NEMP2: variants seen among roughly 807,000 people sequenced by gnomAD.
NEMP2 encodes nuclear envelope integral membrane protein 2, also known as UPF0571 transmembrane protein.
A neutral mutation model predicts 54.2 loss-of-function variants in NEMP2; 53 were observed. The ratio of observed to expected loss-of-function variants is 0.98; its 90% CI spans 0.78 to 1.23. NEMP2 has a LOEUF of 1.23. Ranked by LOEUF, NEMP2 falls within the 50% of genes most tolerant of loss-of-function variation. NEMP2 has a pLI of 0.00. For synonymous variants in NEMP2, 197 were observed against 190.3 expected, an observed-to-expected ratio of 1.04 and a Z score of -0.29; for missense variants, 455 against 511.3, an observed-to-expected ratio of 0.89 and a Z score of 1.06.
chr2:190,579,052 A>G, the NEMP2 span, among the ~76,000 whole-genome samples: 1 of 152,152 alleles, frequency 6.6e-6, no homozygotes, highest in Non-Finnish European at 1.5e-5. Flanking sequence ...AGTGTTGGTC[A>G]CAGGGCAGCA....
chr2:190,425,612 A>G, the NEMP2 span, among the ~76,000 whole-genome samples: 2 of 152,166 alleles, frequency 1.3e-5, no homozygotes, highest in Non-Finnish European at 2.9e-5. The surrounding 1 kb of genome is among the most constrained non-coding windows in gnomAD (Gnocchi z 4.3). Flanking sequence ...AAGCTGAAGT[A>G]ATTTTTCTTT....
chr2:190,532,357 T>C (rs761584313), intron 1 of NEMP2, among the ~76,000 whole-genome samples: 2 of 152,222 alleles, frequency 1.3e-5, no homozygotes, highest in Non-Finnish European at 2.9e-5. Flanking sequence ...CTCAGGTCTT[T>C]AACTTCAAGT....
chr2:190,517,499 A>C (rs1252197307), intron 5 of NEMP2, 21 bp downstream of exon 5: 1 of 1,502,686 alleles, frequency 6.7e-7, no homozygotes, highest in African/African-American at 1.4e-5. Flanking sequence ...TTTTTTACTC[A>C]TTTTCACATA....
chr2:190,574,093 G>A, the NEMP2 span, among the ~76,000 whole-genome samples: 21 of 152,240 alleles, frequency 1.4e-4, no homozygotes, highest in Non-Finnish European at 2.5e-4. Flanking sequence ...GGAAGTTTAT[G>A]TCATTGTTTT....
At chr2:190,446,779 C>T in the NEMP2 span, among the ~76,000 whole-genome samples, 2 of 152,276 alleles carry the variant, frequency 1.3e-5, no homozygotes, top group South Asian at 4.2e-4. Flanking sequence ...GATGAATACT[C>T]GGTTCTGGTC....
chr2:190,628,683 T>C, the NEMP2 span: 2 of 152,212 alleles, frequency 1.3e-5, no homozygotes, highest in African/African-American at 2.4e-5. The surrounding 1 kb of genome is among the most constrained non-coding windows in gnomAD (Gnocchi z 4.1). Context: ...TGGGGCTGTG[T>C]ACCTTGAGGT....
chr2:190,640,610 T>G, the NEMP2 span, among the ~76,000 whole-genome samples: 1 of 152,134 alleles, frequency 6.6e-6, no homozygotes, highest in African/African-American at 2.4e-5. Context: ...AGATGTAACT[T>G]TGCAGTTATA....
chr2:190,579,596 A>ACCAAGGAACAAAATGT, the NEMP2 span, among the ~76,000 whole-genome samples: 2 of 152,234 alleles, frequency 1.3e-5, no homozygotes. Flanking sequence ...ACACAAAATG[A>ACCAAGGAACAAAATGT]CCAAGGAACA....
At chr2:190,436,749 G>T in the NEMP2 span, 1 of 1,614,160 alleles carries the variant, frequency 6.2e-7, no homozygotes, top group African/African-American at 1.3e-5. The surrounding 1 kb of genome is among the most constrained non-coding windows in gnomAD (Gnocchi z 5.3). Context: ...TGATGGACTT[G>T]ACTTTGAACT....
the NEMP2 span, chr2:190,626,217 A>G: frequency 6.6e-6 from 1 of 152,158 alleles, no homozygotes; most frequent in Non-Finnish European, 1.5e-5. The surrounding 1 kb of genome is among the most constrained non-coding windows in gnomAD (Gnocchi z 4.5). Flanking sequence ...ACACCTCCCA[A>G]TGCAGCACAT....
the NEMP2 span, among the ~76,000 whole-genome samples, chr2:190,616,352 T>A: frequency 1.5e-4 from 23 of 152,214 alleles, no homozygotes; most frequent in Admixed American, 1.5e-3. The surrounding 1 kb of genome is among the most constrained non-coding windows in gnomAD (Gnocchi z 5.1). Context: ...ATCATAAAAA[T>A]TGACCTCGGT....
the NEMP2 span, among the ~76,000 whole-genome samples, chr2:190,570,471 G>A: frequency 2.6e-5 from 4 of 152,330 alleles, no homozygotes; most frequent in South Asian, 8.3e-4. The surrounding 1 kb of genome is among the most constrained non-coding windows in gnomAD (Gnocchi z 5.4). Flanking sequence ...TGTCTTCAGG[G>A]ATCCTGGTTC....
At chr2:190,556,018 C>T in the NEMP2 span, among the ~76,000 whole-genome samples, 1 of 152,118 alleles carries the variant, frequency 6.6e-6, no homozygotes, top group African/African-American at 2.4e-5. Context: ...GGCAGAGACA[C>T]AACAAAAAAA....
At chr2:190,552,805 T>A in the NEMP2 span, among the ~76,000 whole-genome samples, 205 of 152,318 alleles carry the variant, frequency 1.3e-3, 3 homozygotes, top group African/African-American at 4.9e-3. Flanking sequence ...TTTCTAAGCT[T>A]TGATAATGTA....
chr2:190,454,922 C>T, the NEMP2 span, among the ~76,000 whole-genome samples: 2 of 132,788 alleles, frequency 1.5e-5, no homozygotes, highest in Non-Finnish European at 3.1e-5. The surrounding 1 kb of genome is among the most constrained non-coding windows in gnomAD (Gnocchi z 4.6). Flanking sequence ...TATATGTGTT[C>T]CTGGTTTCTG....
At chr2:190,469,664 C>T in the NEMP2 span, 2 of 645,042 alleles carry the variant, frequency 3.1e-6, no homozygotes, top group Non-Finnish European at 4.4e-6. The surrounding 1 kb of genome is among the most constrained non-coding windows in gnomAD (Gnocchi z 5.3). Context: ...GTAATATTTG[C>T]ATGTTTTGTA....
the NEMP2 span, among the ~76,000 whole-genome samples, chr2:190,430,700 C>T: frequency 4.7e-4 from 71 of 151,600 alleles, no homozygotes; most frequent in African/African-American, 1.6e-3. Flanking sequence ...CATCATGGCC[C>T]GTTCTCAATG....
At chr2:190,567,621 T>C in the NEMP2 span, among the ~76,000 whole-genome samples, 2 of 152,144 alleles carry the variant, frequency 1.3e-5, no homozygotes, top group African/African-American at 2.4e-5. The surrounding 1 kb of genome is among the most constrained non-coding windows in gnomAD (Gnocchi z 4.0). Context: ...CAATGAACGA[T>C]GCCTTAAGAA....
the NEMP2 span, among the ~76,000 whole-genome samples, chr2:190,464,172 CACAAACTGTAG>C: frequency 6.6e-6 from 1 of 152,194 alleles, no homozygotes; most frequent in Non-Finnish European, 1.5e-5. Context: ...GGGCTTGCAA[CACAAACTGTAG>C]ACAAGTGTCA....
Sources: allele counts gnomAD v4.1 joint callset (sites outside exome capture counted in the v4.1 genomes callset), GRCh38; gene constraint gnomAD v4.1.1; non-coding constraint Gnocchi (gnomAD v3.1); transcripts MANE v1.5; gene names NCBI Gene and HGNC (gene_info 2026-07-23, HGNC 2026-07-21).